The following CDH13 variants were observed in gnomAD, a reference collection of about 807,000 sequenced individuals.
The protein encoded by CDH13 is cadherin 13, also known as cadherin-13.
In CDH13, 24 loss-of-function variants were observed where a neutral mutation model predicts 63.8. The ratio of observed to expected loss-of-function variants is 0.38; its 90% confidence interval spans 0.27 to 0.53. The LOEUF (loss-of-function observed/expected upper bound fraction) is 0.53, where lower values mean the gene tolerates loss of function less well. CDH13 is among the 20% of genes least tolerant of loss of function. The probability of loss-of-function intolerance (pLI) is 0.85; values close to 1 mark genes in which losing one functional copy is unlikely to be tolerated. For missense variants in CDH13, 1,049 were observed against 903.1 expected, an observed-to-expected ratio of 1.16 and a Z score of -2.07; for synonymous variants, 503 against 355.3, an observed-to-expected ratio of 1.42 and a Z score of -4.67.
chr16:82,668,092 T>A (rs1476872533), intron 1 of CDH13, among the ~76,000 whole-genome samples: 1 of 152,124 alleles, frequency 6.6e-6, no homozygotes, highest in Non-Finnish European at 1.5e-5. Flanking sequence ...GTAGGATGGC[T>A]ATACCCTGCC....
Position 82,798,366 on chromosome 16 carries a change from G to T in CDH13, c.46-59996G>T, listed in dbSNP as rs186442784. Among the ~76,000 whole-genome samples, 7 of 152,292 alleles carry T rather than the reference G, an allele frequency of 4.6e-5. No individual in the cohort carries two copies. The East Asian group carries it at 1.4e-3, about 29-fold the overall frequency. On this transcript the variant is annotated intron_variant, in intron 1 of 13. Transcript: ENST00000567109. ...TTTCCACACTACCTAAAATATTCAT[G>T]CACCAGATGAAAGCTTTCTTTTTTC... is the stretch of plus-strand genomic sequence containing the variant.
At chr16:82,829,583 A>T (rs1014440705) in intron 1 of CDH13, 2 of 152,016 alleles carry the variant, frequency 1.3e-5, no homozygotes, top group East Asian at 3.9e-4. Context: ...AGAGGGGGAA[A>T]CCAACCAGCT....
At chr16:83,050,767 G>T (rs1298946320) in intron 3 of CDH13, among the ~76,000 whole-genome samples, 1 of 151,962 alleles carries the variant, frequency 6.6e-6, no homozygotes, top group Non-Finnish European at 1.5e-5. Flanking sequence ...TCATACTGGG[G>T]TTAACTGTGT....
chr16:83,534,092 T>C lies in CDH13; in HGVS notation c.960+47437T>C, dbSNP rs370035618. Among the ~76,000 whole-genome samples, 3 of 152,184 alleles carry C rather than the reference T, an allele frequency of 2.0e-5. No individual in the cohort carries two copies. In the South Asian group the frequency reaches 6.2e-4, roughly 32 times the overall value. On this transcript the variant is annotated intron_variant, in intron 7 of 13. Transcript: ENST00000567109. ...TATCTATATTCTCATCGCCCCCAAATGAAAACCGCATACCTGTTAAGTAGT... is the reference window on the plus strand; with the variant it reads ...TATCTATATTCTCATCGCCCCCAAACGAAAACCGCATACCTGTTAAGTAGT...
At chr16:82,823,897 T>G (rs2038122132) in intron 1 of CDH13, 1 of 152,164 alleles carries the variant, frequency 6.6e-6, no homozygotes, top group Admixed American at 6.5e-5. Context: ...ATTCTCTTTC[T>G]ACTAAAAAGC....
intron 2 of CDH13, chr16:82,884,328 G>T: frequency 2.4e-6 from 1 of 411,312 alleles, no homozygotes; most frequent in South Asian, 1.8e-5. Flanking sequence ...ACCTGGGGAG[G>T]GGGTGTTAGA....
intron 1 of CDH13, among the ~76,000 whole-genome samples, chr16:82,755,980 AG>A (rs1290947837): frequency 6.6e-6 from 1 of 152,214 alleles, no homozygotes; most frequent in Non-Finnish European, 1.5e-5. Flanking sequence ...TAGGCAGAAA[AG>A]AAGTTGCAGA....
At chr16:82,912,960 G>C (rs542430629) in intron 2 of CDH13, among the ~76,000 whole-genome samples, 2 of 151,370 alleles carry the variant, frequency 1.3e-5, no homozygotes, top group Admixed American at 1.3e-4. Flanking sequence ...AAAAAAAAGA[G>C]TGGTGCTTCA....
chr16:83,122,044 C>T (rs973768386), intron 3 of CDH13, among the ~76,000 whole-genome samples: 3 of 152,040 alleles, frequency 2.0e-5, no homozygotes, highest in Non-Finnish European at 1.5e-5. Context: ...TCATTTATCA[C>T]ATGATTTTGA....
chr16:82,807,539 A>G (rs913317134), intron 1 of CDH13, among the ~76,000 whole-genome samples: 1 of 148,408 alleles, frequency 6.7e-6, no homozygotes, highest in Admixed American at 6.9e-5. Flanking sequence ...TAAGAGCAAA[A>G]CCATCTGGGT....
chr16:82,797,801 G>GTT (rs1325205318), intron 1 of CDH13, among the ~76,000 whole-genome samples: 1 of 151,520 alleles, frequency 6.6e-6, no homozygotes, highest in Non-Finnish European at 1.5e-5. Flanking sequence ...GTGTGTGTGT[G>GTT]TGTGTGTATA....
intron 3 of CDH13, among the ~76,000 whole-genome samples, chr16:83,094,383 A>G (rs1400313128): frequency 6.6e-6 from 1 of 152,184 alleles, no homozygotes; most frequent in Non-Finnish European, 1.5e-5. Flanking sequence ...GCAAGGTTGG[A>G]TAGAGAGAGA....
chr16:83,572,558 C>T (rs947501082), intron 7 of CDH13, among the ~76,000 whole-genome samples: 3 of 152,184 alleles, frequency 2.0e-5, no homozygotes, highest in Non-Finnish European at 4.4e-5. Flanking sequence ...GTCCTCAGTA[C>T]TGAGCACAGT....
intron 2 of CDH13, among the ~76,000 whole-genome samples, chr16:82,970,395 T>C (rs1472493323): frequency 9.6e-6 from 1 of 104,560 alleles, no homozygotes; most frequent in African/African-American, 3.1e-5. Context: ...TTTTTTTTTT[T>C]TTTTTTTTTT....
At position 83,257,034 on chromosome 16, in the gene CDH13, C is replaced by T. The variant is rs116795737; in HGVS notation, c.636+39537C>T. Among the ~76,000 whole-genome samples, 949 of 151,986 alleles carry T rather than the reference C, an allele frequency of 6.2e-3. 5 individuals are homozygous for T. The highest frequency in any genetic ancestry group is 0.021 in the African/African-American group (886 of 41,422). On this transcript the variant is annotated intron_variant, in intron 5 of 13. Transcript: ENST00000567109. ...TGGGATTTGTTACCTGGCAAGAAAG[C>T]AAACACTGAACCAGTAATGATAAGT...
At chr16:83,567,244 C>T (rs1904290398) in intron 7 of CDH13, among the ~76,000 whole-genome samples, 1 of 152,206 alleles carries the variant, frequency 6.6e-6, no homozygotes, top group African/African-American at 2.4e-5. Context: ...ACTTCTTCGC[C>T]TTCCCTAGCA....
chr16:82,815,896 A>C (rs1269462208), intron 1 of CDH13, among the ~76,000 whole-genome samples: 1 of 152,336 alleles, frequency 6.6e-6, no homozygotes, highest in South Asian at 2.1e-4. Context: ...TGTTGGGGAA[A>C]CGGAAAATGT....
At chr16:83,533,402 C>T (rs1221358838) in intron 7 of CDH13, among the ~76,000 whole-genome samples, 1 of 152,134 alleles carries the variant, frequency 6.6e-6, no homozygotes, top group Admixed American at 6.5e-5. Flanking sequence ...GTGCCTCCCA[C>T]ACTCTTCACC....
At chr16:83,440,979 C>G (rs977084222) in intron 6 of CDH13, among the ~76,000 whole-genome samples, 8 of 152,008 alleles carry the variant, frequency 5.3e-5, no homozygotes, top group African/African-American at 1.9e-4. Context: ...TGTGTTCATC[C>G]CTGAACACAA....
Sources: gnomAD v4.1 joint callset for allele counts (sites outside exome capture counted in the v4.1 genomes callset) on GRCh38, gnomAD v4.1.1 for gene constraint, MANE v1.5 for transcripts, NCBI Gene and HGNC (gene_info 2026-07-23, HGNC 2026-07-21) for gene names.